RPH3A: variants seen among roughly 807,000 people sequenced by gnomAD.
RPH3A encodes the protein rabphilin-3A.
A neutral mutation model predicts 102.2 loss-of-function variants in RPH3A; 48 were observed. The ratio of observed to expected loss-of-function variants is 0.47; its 90% CI spans 0.37 to 0.60. The LOEUF (loss-of-function observed/expected upper bound fraction) is 0.60. Among genes scored for constraint, RPH3A ranks in the 20% least tolerant of loss-of-function variants. RPH3A has a pLI of 0.00. For synonymous variants in RPH3A, 310 were observed against 324.3 expected (o/e 0.96, Z 0.47); for missense variants, 781 against 910.1 (o/e 0.86, Z 1.83).
Position 112,700,673 on chromosome 12 carries a change from A to G in RPH3A, c.-139-91470A>G, listed in dbSNP as rs76333009. On this transcript the variant is annotated intron_variant, in intron 1 of 21. Coordinates refer to the RPH3A transcript ENST00000543106. The stretch of plus-strand genomic sequence containing the variant: ...AGACTTTACTTTTGCATTTGACATG[A>G]TTGATCACCCCTTTTCTCTACACTT... Among the ~76,000 whole-genome samples the G allele has an allele frequency of 1.5e-3, 232 of 152,182 alleles. No individual in the cohort carries two copies. The East Asian group carries it at 0.042, about 27-fold the overall frequency.
At chr12:112,823,936 A>G (rs2041824192) in intron 2 of RPH3A, among the ~76,000 whole-genome samples, 1 of 152,218 alleles carries the variant, frequency 6.6e-6, no homozygotes. Flanking sequence ...GTTGGATTAG[A>G]AAACAGCTAA....
intron 1 of RPH3A, among the ~76,000 whole-genome samples, chr12:112,588,029 A>G (rs1346189974): frequency 6.6e-6 from 1 of 152,214 alleles, no homozygotes; most frequent in East Asian, 1.9e-4. Context: ...TGCTCATGCT[A>G]GGCACATTGA....
intron 3 of RPH3A, among the ~76,000 whole-genome samples, chr12:112,832,999 C>A (rs2136162427): frequency 6.9e-6 from 1 of 144,150 alleles, no homozygotes; most frequent in Non-Finnish European, 1.5e-5. Flanking sequence ...TGCAGTGGCA[C>A]AATCTTGGCT....
Position 112,895,699 on chromosome 12 carries a change from C to G in RPH3A, c.1858-78C>G, listed in dbSNP as rs888404540. On this transcript the variant is annotated intron_variant, in intron 20 of 21. Transcript: ENST00000389385. ...AGGACCTCTCCTTGGCCCATAACCC[C>G]TAGGACTCGGCCTCTTACCTCCCAA... The G allele has an allele frequency of 5.0e-6, 5 of 996,516 alleles. No individual in the cohort carries two copies. The Admixed American group carries it at 7.2e-5, about 14-fold the overall frequency. 61.7% of individuals were successfully genotyped at this position (996,516 alleles called of 1,614,324 possible).
chr12:112,782,989 C>G (rs774658194), intron 1 of RPH3A, among the ~76,000 whole-genome samples: 3 of 152,158 alleles, frequency 2.0e-5, no homozygotes, highest in Non-Finnish European at 4.4e-5. Context: ...GTTAGATCAC[C>G]TTCTAGAGAG....
rs544849101 is a variant in RPH3A at position 112,781,950 on chromosome 12, C to A, written c.-139-10193C>A. Among the ~76,000 whole-genome samples, 56 of 152,328 alleles carry A rather than the reference C, an allele frequency of 3.7e-4. 1 individual carries two copies. The highest frequency in any genetic ancestry group is 2.5e-3 in the South Asian group (12 of 4,830). On this transcript the variant is annotated intron_variant, in intron 1 of 21. Transcript: ENST00000543106. ...ATTCCATTGCTGATAACTAAACATG[C>A]AATTCAGGGTGGTCAGTTGTCTCTC...
chr12:112,640,497 C>G (rs1180533651), intron 1 of RPH3A, among the ~76,000 whole-genome samples: 1 of 151,898 alleles, frequency 6.6e-6, no homozygotes, highest in African/African-American at 2.4e-5. Context: ...CTTTCCCTGT[C>G]TTCTCCTCTA....
chr12:112,630,628 G>A (rs1287986944), intron 1 of RPH3A, among the ~76,000 whole-genome samples: 1 of 152,176 alleles, frequency 6.6e-6, no homozygotes, highest in Non-Finnish European at 1.5e-5. Context: ...GGGTGTAGCT[G>A]TGAGCCCTTT....
chr12:112,726,777 C>T (rs973165242), intron 1 of RPH3A, among the ~76,000 whole-genome samples: 2 of 152,148 alleles, frequency 1.3e-5, no homozygotes, highest in African/African-American at 2.4e-5. Context: ...AATCCTAGCA[C>T]TTTGGGAGGC....
intron 1 of RPH3A, among the ~76,000 whole-genome samples, chr12:112,772,393 A>G (rs1019738975): frequency 3.9e-5 from 6 of 152,338 alleles, no homozygotes; most frequent in African/African-American, 1.2e-4. Flanking sequence ...TTGGTCCCAG[A>G]CACAAAATGC....
intron 1 of RPH3A, among the ~76,000 whole-genome samples, chr12:112,750,584 GC>G (rs1241940342): frequency 6.6e-6 from 1 of 152,144 alleles, no homozygotes. Context: ...GAGTAGAGAG[GC>G]CAATAGGGTG....
intron 18 of RPH3A, 63 bp from the exon 19 acceptor site, chr12:112,890,786 C>T (rs1342350128): frequency 2.0e-5 from 31 of 1,557,122 alleles, no homozygotes; most frequent in South Asian, 1.1e-4. Flanking sequence ...CCCTAATGCT[C>T]GCCATTCACA....
intron 6 of RPH3A, 29 bp from the exon 7 acceptor site, chr12:112,866,728 T>G: frequency 6.3e-7 from 1 of 1,593,540 alleles, no homozygotes; most frequent in Non-Finnish European, 8.6e-7. Flanking sequence ...ATGGCTCATC[T>G]GAGTGTGTTG....
At chr12:112,639,236 T>C (rs1052959577) in intron 1 of RPH3A, among the ~76,000 whole-genome samples, 17 of 152,188 alleles carry the variant, frequency 1.1e-4, no homozygotes, top group African/African-American at 4.1e-4. Context: ...GTTTACACTC[T>C]GGTACTTCCT....
intron 1 of RPH3A, among the ~76,000 whole-genome samples, chr12:112,628,111 C>T (rs550223251): frequency 9.2e-5 from 14 of 152,056 alleles, no homozygotes; most frequent in Non-Finnish European, 1.5e-4. Context: ...ACCAGGCCCC[C>T]CCTCCAACAA....
intron 1 of RPH3A, among the ~76,000 whole-genome samples, chr12:112,776,675 C>A (rs1229662157): frequency 6.6e-6 from 1 of 151,812 alleles, no homozygotes; most frequent in Non-Finnish European, 1.5e-5. Flanking sequence ...GAGGTCAAGA[C>A]CATCCTGGCT....
At chr12:112,891,638 A>C (rs1270556355) in intron 19 of RPH3A, among the ~76,000 whole-genome samples, 1 of 152,218 alleles carries the variant, frequency 6.6e-6, no homozygotes, top group African/African-American at 2.4e-5. Context: ...TAGATAGAGA[A>C]GTTGGAGGGA....
chr12:112,606,530 G>A (rs1022680138), intron 1 of RPH3A, among the ~76,000 whole-genome samples: 19 of 150,910 alleles, frequency 1.3e-4, no homozygotes, highest in African/African-American at 4.0e-4. Flanking sequence ...TACAGTGCCC[G>A]CCACTATGGC....
At chr12:112,745,157 C>T (rs943821011) in intron 1 of RPH3A, among the ~76,000 whole-genome samples, 1 of 152,136 alleles carries the variant, frequency 6.6e-6, no homozygotes, top group Non-Finnish European at 1.5e-5. Context: ...TGTGAGCTTT[C>T]CTGATGCTTC....
Sources: allele counts gnomAD v4.1 joint callset (sites outside exome capture counted in the v4.1 genomes callset), GRCh38; gene constraint gnomAD v4.1.1; transcripts MANE v1.5; gene names NCBI Gene and HGNC (gene_info 2026-07-23, HGNC 2026-07-21).